GPR141: variants seen among roughly 807,000 people sequenced by gnomAD.
GPR141 encodes G protein-coupled receptor 141.
GPR141 carries 6 observed loss-of-function variants against 6.8 expected under a neutral mutation model. The observed-to-expected ratio is 0.88, with a 90% CI of 0.48 to 1.74. The LOEUF (loss-of-function observed/expected upper bound fraction) is 1.74, where lower values mean the gene tolerates loss of function less well. Ranked by LOEUF, GPR141 falls within the 40% of genes most tolerant of loss-of-function variation. The pLI is 0.01. For synonymous variants in GPR141, 140 were observed against 142.3 expected (o/e 0.98, Z 0.11); for missense variants, 372 against 372.9 (o/e 1.00, Z 0.02).
At chr7:37,735,831 G>C (rs1023518621) in intron 2 of GPR141, among the ~76,000 whole-genome samples, 1 of 152,154 alleles carries the variant, frequency 6.6e-6, no homozygotes, top group African/African-American at 2.4e-5. Context: ...AAATGAAATA[G>C]ATGAGAAAAT....
At position 37,741,383 on chromosome 7, in the gene GPR141, G is replaced by A. The variant is rs1812558173; in HGVS notation, c.*72G>A. 8.9e-7 allele frequency: 1 copy of A among 1,127,564 alleles called. No individual in the cohort carries two copies. Among genetic ancestry groups the A allele is most frequent in the African/African-American group, 1.6e-5 (1 of 64,346 alleles). The allele number at this position is 1,127,564 out of a possible 1,614,324, so 69.8% of individuals were successfully genotyped here. A position where few individuals can be genotyped will look rare whatever the true frequency, so the allele number is the denominator to read the frequency against. On this transcript the variant is annotated 3_prime_UTR_variant, in exon 3 of 3. Transcript: ENST00000334425. ...AAATGGGTATAGGGGAGGTAAGAAT[G>A]GTATTTCATTACTTGATCAAAACCA...
At chr7:37,720,299 C>A (rs540914515) in intron 2 of GPR141, among the ~76,000 whole-genome samples, 3 of 146,806 alleles carry the variant, frequency 2.0e-5, no homozygotes. Context: ...AGATACCAGA[C>A]CCTGGTGCCC....
intron 2 of GPR141, among the ~76,000 whole-genome samples, chr7:37,726,181 C>G (rs1583565644): frequency 6.6e-6 from 1 of 152,208 alleles, no homozygotes; most frequent in Non-Finnish European, 1.5e-5. Flanking sequence ...GATCAAAGGA[C>G]AGAGAGCGGG....
At chr7:37,708,669 A>C (rs2131779386) in intron 2 of GPR141, among the ~76,000 whole-genome samples, 1 of 152,312 alleles carries the variant, frequency 6.6e-6, no homozygotes, top group East Asian at 1.9e-4. Flanking sequence ...GACCTCGTAC[A>C]GACAGGGTCC....
chr7:37,720,300 C>G (rs77603211), intron 2 of GPR141, among the ~76,000 whole-genome samples: 3,436 of 146,798 alleles, frequency 0.023, 61 homozygotes, highest in African/African-American at 0.026. Context: ...GATACCAGAC[C>G]CTGGTGCCCA....
intron 2 of GPR141, among the ~76,000 whole-genome samples, chr7:37,728,321 C>T (rs576675487): frequency 1.9e-4 from 29 of 150,732 alleles, no homozygotes; most frequent in Non-Finnish European, 3.4e-4. Context: ...TCTTTGCTAC[C>T]TACTGTACAG....
At chr7:37,727,655 A>G (rs1246270022) in intron 2 of GPR141, among the ~76,000 whole-genome samples, 1 of 152,142 alleles carries the variant, frequency 6.6e-6, no homozygotes, top group African/African-American at 2.4e-5. Context: ...AAGTTACCTG[A>G]AGCATGTACT....
intron 2 of GPR141, among the ~76,000 whole-genome samples, chr7:37,687,810 C>T: frequency 6.6e-6 from 1 of 152,108 alleles, no homozygotes; most frequent in South Asian, 2.1e-4. Context: ...CCTGCACTTC[C>T]CTGGAAGGCT....
intron 2 of GPR141, among the ~76,000 whole-genome samples, chr7:37,696,769 T>C (rs528507708): frequency 1.3e-5 from 2 of 152,282 alleles, no homozygotes; most frequent in South Asian, 2.1e-4. Flanking sequence ...AATTTTGGCA[T>C]GAGATGCAAT....
At chr7:37,732,354 G>A (rs758529713) in intron 2 of GPR141, among the ~76,000 whole-genome samples, 25 of 151,996 alleles carry the variant, frequency 1.6e-4, no homozygotes, top group Admixed American at 3.3e-4. Context: ...CTCACCTTGA[G>A]AGTGATGAGT....
intron 2 of GPR141, among the ~76,000 whole-genome samples, chr7:37,715,696 C>G (rs1276724727): frequency 6.6e-6 from 1 of 152,052 alleles, no homozygotes; most frequent in Non-Finnish European, 1.5e-5. Context: ...TTGTTTGTTT[C>G]CTTTCATATT....
rs1007273068 is a variant in GPR141, at chr7:37,740,364, G to A, written c.-14-16G>A. 2.7e-6 allele frequency: 4 copies of A among 1,508,788 alleles called. No homozygotes were observed. In the African/African-American group the frequency reaches 5.5e-5, roughly 21 times the overall value. The allele number at this position is 1,508,788 out of a possible 1,614,324, so 93.5% of individuals were successfully genotyped here. On this transcript the variant is annotated splice_polypyrimidine_tract_variant and intron_variant, in intron 2 of 2. Coordinates refer to ENST00000334425, the MANE Select transcript of GPR141 (RefSeq NM_001381946.1). ...CTGAAAGCTTGTCAGTTACTCTGGT[G>A]CTTTTTCTCCTCCAGGTGACTTCCC...
intron 2 of GPR141, among the ~76,000 whole-genome samples, chr7:37,724,092 G>A (rs1029906542): frequency 1.3e-5 from 2 of 152,160 alleles, no homozygotes; most frequent in African/African-American, 4.8e-5. Context: ...CAAAGCCTCT[G>A]AGTTTCAGCT....
At chr7:37,735,324 A>G (rs1812177888) in intron 2 of GPR141, among the ~76,000 whole-genome samples, 1 of 152,250 alleles carries the variant, frequency 6.6e-6, no homozygotes, top group Non-Finnish European at 1.5e-5. Context: ...CCAATGCATG[A>G]AGACATTTTG....
At chr7:37,722,480 G>A (rs1297909857) in intron 2 of GPR141, among the ~76,000 whole-genome samples, 1 of 151,608 alleles carries the variant, frequency 6.6e-6, no homozygotes, top group African/African-American at 2.4e-5. Flanking sequence ...CCAGCACTTT[G>A]GGAGGCCAAG....
At chr7:37,710,069 C>T (rs868396014) in intron 2 of GPR141, among the ~76,000 whole-genome samples, 8 of 152,284 alleles carry the variant, frequency 5.3e-5, no homozygotes, top group Middle Eastern at 6.8e-3. Context: ...ACTGAGAGTA[C>T]GTGATGACCT....
At chr7:37,732,655 C>T (rs571304216) in intron 2 of GPR141, among the ~76,000 whole-genome samples, 1 of 152,210 alleles carries the variant, frequency 6.6e-6, no homozygotes, top group African/African-American at 2.4e-5. Flanking sequence ...AACTTGACCT[C>T]AAGGTTACAC....
At position 37,730,277 on chromosome 7, in the gene GPR141, A is replaced by C. The variant is rs149628011; in HGVS notation, c.-14-10103A>C. On this transcript the variant is annotated intron_variant, in intron 2 of 2. Coordinates refer to ENST00000334425, the MANE Select transcript of GPR141 (RefSeq NM_001381946.1). ...CATACCATGTTCCAAATTCTGAGCT[A>C]CGGCACATGCTATATTTTTCTACAA... is the stretch of plus-strand genomic sequence containing the variant. Among the ~76,000 whole-genome samples the C allele has an allele frequency of 7.5e-3, 1,136 of 152,262 alleles. 14 individuals are homozygous for C. Among genetic ancestry groups the C allele is most frequent in the African/African-American group, 0.025 (1,034 of 41,530 alleles).
chr7:37,739,012 C>G (rs537300898), intron 2 of GPR141, among the ~76,000 whole-genome samples: 1 of 152,216 alleles, frequency 6.6e-6, no homozygotes, highest in South Asian at 2.1e-4. Flanking sequence ...ATCTATATGT[C>G]TATGTACTGT....
Sources: gnomAD v4.1 joint callset for allele counts (sites outside exome capture counted in the v4.1 genomes callset) on GRCh38, gnomAD v4.1.1 for gene constraint, MANE v1.5 for transcripts, NCBI Gene and HGNC (gene_info 2026-07-23, HGNC 2026-07-21) for gene names.